Variants in BCAT1 observed in about 807,000 individuals in gnomAD.
The protein encoded by BCAT1 is branched-chain-amino-acid aminotransferase, cytosolic.
A neutral mutation model predicts 52.4 loss-of-function variants in BCAT1; 48 were observed. That is an observed-to-expected ratio of 0.92 (90% CI 0.73 to 1.16). The LOEUF is 1.16. BCAT1 is among the 50% of genes most tolerant of loss of function. The pLI is 0.00. For synonymous variants in BCAT1, 167 were observed against 161.3 expected (o/e 1.04, Z -0.27); for missense variants, 451 against 457.1 (o/e 0.99, Z 0.12).
chr12:24,939,978 C>T (rs1324038950), intron 1 of BCAT1, among the ~76,000 whole-genome samples: 4 of 152,120 alleles, frequency 2.6e-5, no homozygotes, highest in Non-Finnish European at 4.4e-5. Flanking sequence ...AATAAACTCA[C>T]GTGTCAAAAA....
chr12:24,921,602 ATCTT>A (rs1447930001), intron 1 of BCAT1, among the ~76,000 whole-genome samples: 1 of 152,234 alleles, frequency 6.6e-6, no homozygotes, highest in Non-Finnish European at 1.5e-5. Flanking sequence ...ACATCATAGG[ATCTT>A]TGATACACAT....
chr12:24,929,797 T>C (rs78610631), intron 1 of BCAT1, among the ~76,000 whole-genome samples: 126 of 152,320 alleles, frequency 8.3e-4, no homozygotes, highest in African/African-American at 2.8e-3. Context: ...AGGAATACTA[T>C]ATAAACTTCA....
At chr12:24,908,562 G>A (rs1310147269) in intron 1 of BCAT1, among the ~76,000 whole-genome samples, 1 of 152,132 alleles carries the variant, frequency 6.6e-6, no homozygotes, top group African/African-American at 2.4e-5. Flanking sequence ...GCAACATGGT[G>A]AAACTCACCT....
At chr12:24,847,083 C>T (rs1037561425) in intron 6 of BCAT1, among the ~76,000 whole-genome samples, 3 of 152,162 alleles carry the variant, frequency 2.0e-5, no homozygotes, top group Non-Finnish European at 4.4e-5. Flanking sequence ...TAGGCACTTT[C>T]TATTATCTCA....
At chr12:24,887,441 A>C (rs1942714385) in intron 3 of BCAT1, among the ~76,000 whole-genome samples, 1 of 152,150 alleles carries the variant, frequency 6.6e-6, no homozygotes. Flanking sequence ...CACAAACACA[A>C]AATATATACA....
chr12:24,884,527 A>C (rs1942601485), intron 3 of BCAT1, among the ~76,000 whole-genome samples: 1 of 152,244 alleles, frequency 6.6e-6, no homozygotes, highest in Non-Finnish European at 1.5e-5. Flanking sequence ...ATGTTCAGTG[A>C]TGAGTATGCT....
intron 1 of BCAT1, among the ~76,000 whole-genome samples, chr12:24,917,985 C>A (rs1419275740): frequency 2.0e-5 from 3 of 152,196 alleles, no homozygotes; most frequent in Non-Finnish European, 4.4e-5. Context: ...ATTCAGCCAA[C>A]AAAGTTCATG....
At chr12:24,919,314 C>T (rs967769787) in intron 1 of BCAT1, among the ~76,000 whole-genome samples, 6 of 152,172 alleles carry the variant, frequency 3.9e-5, no homozygotes, top group Non-Finnish European at 7.3e-5. Context: ...GTGAAATGTC[C>T]GCAGGACTTT....
In BCAT1 at chr12:24,903,272, G is replaced by T. The variant is rs936010263; in HGVS notation, c.7-1387C>A. On this transcript the variant is annotated intron_variant, in intron 1 of 10. Transcript: ENST00000261192. ...GTCGCTTGCGGAGGCCCGAGAATGC[G>T]CGCCACGAACGAGCGCCTTTCCAAG... The T allele has an allele frequency of 7.6e-4, 359 of 470,880 alleles. 3 individuals are homozygous for T. Among genetic ancestry groups the T allele is most frequent in the Non-Finnish European group, 5.7e-5 (17 of 297,838 alleles). 29.2% of individuals were successfully genotyped at this position (470,880 alleles called of 1,614,324 possible). A position where few individuals can be genotyped will look rare whatever the true frequency, so the allele number is the denominator to read the frequency against.
chr12:24,823,030 T>C (rs1200241307), intron 10 of BCAT1, among the ~76,000 whole-genome samples: 2 of 92,162 alleles, frequency 2.2e-5, no homozygotes, highest in Non-Finnish European at 4.5e-5. Context: ...AATATTTGTT[T>C]TGACTTTTTT....
At chr12:24,865,126 A>G (rs1040364635) in intron 5 of BCAT1, among the ~76,000 whole-genome samples, 3 of 152,038 alleles carry the variant, frequency 2.0e-5, no homozygotes, top group African/African-American at 7.2e-5. Flanking sequence ...CTAGTTTCTC[A>G]CCTTCAAAGG....
chr12:24,853,640 CAA>C (rs1371482675), intron 5 of BCAT1, among the ~76,000 whole-genome samples: 2 of 151,940 alleles, frequency 1.3e-5, no homozygotes, highest in Non-Finnish European at 1.5e-5. Context: ...TTGTTTCACA[CAA>C]GAGTATTTTA....
At chr12:24,857,516 AT>A (rs1038050644) in intron 5 of BCAT1, among the ~76,000 whole-genome samples, 2 of 152,130 alleles carry the variant, frequency 1.3e-5, no homozygotes, top group African/African-American at 4.8e-5. Flanking sequence ...TTTTATATTG[AT>A]TTTTTTCTAG....
chr12:24,922,366 G>A (rs575537538), intron 1 of BCAT1, among the ~76,000 whole-genome samples: 2 of 152,100 alleles, frequency 1.3e-5, no homozygotes, highest in Admixed American at 1.3e-4. Context: ...AATATGATCC[G>A]TAATAATAAC....
At chr12:24,928,393 C>T (rs550738509) in intron 1 of BCAT1, among the ~76,000 whole-genome samples, 2 of 152,208 alleles carry the variant, frequency 1.3e-5, no homozygotes, top group South Asian at 4.1e-4. Context: ...AATCCAGGCA[C>T]TTTGGGAGGC....
intron 6 of BCAT1, among the ~76,000 whole-genome samples, 182 bp downstream of exon 6, chr12:24,849,603 GC>G (rs1157528237): frequency 4.6e-5 from 7 of 152,184 alleles, no homozygotes; most frequent in Non-Finnish European, 8.8e-5. Flanking sequence ...AATTCATACT[GC>G]GTTTATATAG....
intron 3 of BCAT1, 29 bp from the exon 4 acceptor site, chr12:24,881,440 G>C: frequency 1.3e-6 from 2 of 1,485,192 alleles, no homozygotes; most frequent in Non-Finnish European, 1.9e-6. Flanking sequence ...AAATCTTAGA[G>C]GGTAACCAAA....
At chr12:24,935,018 A>G (rs1322952385) in intron 1 of BCAT1, among the ~76,000 whole-genome samples, 1 of 152,088 alleles carries the variant, frequency 6.6e-6, no homozygotes, top group Non-Finnish European at 1.5e-5. Flanking sequence ...TAATTAAGCT[A>G]TTGCTGTATT....
intron 7 of BCAT1, among the ~76,000 whole-genome samples, chr12:24,841,560 GA>G (rs1335628706): frequency 6.6e-6 from 1 of 152,080 alleles, no homozygotes; most frequent in Non-Finnish European, 1.5e-5. Flanking sequence ...AGTACATCTA[GA>G]GCCAGAAAAA....
Sources: gnomAD v4.1 joint callset for allele counts (sites outside exome capture counted in the v4.1 genomes callset) on GRCh38, gnomAD v4.1.1 for gene constraint, MANE v1.5 for transcripts, NCBI Gene and HGNC (gene_info 2026-07-23, HGNC 2026-07-21) for gene names.